Variants in IDO2 observed in about 807,000 individuals in gnomAD.
IDO2 encodes the protein indoleamine 2,3-dioxygenase-like 1 protein.
IDO2 carries 46 observed loss-of-function variants against 45.1 expected under a neutral mutation model. That is an observed-to-expected ratio of 1.02 (90% CI 0.80 to 1.30). The LOEUF (loss-of-function observed/expected upper bound fraction) is 1.30, where lower values mean the gene tolerates loss of function less well. Ranked by LOEUF, IDO2 falls within the 50% of genes most tolerant of loss-of-function variation. The probability of loss-of-function intolerance (pLI) is 0.00; values close to 1 mark genes in which losing one functional copy is unlikely to be tolerated. For synonymous variants in IDO2, 218 were observed against 184.9 expected, an observed-to-expected ratio of 1.18 and a Z score of -1.45; for missense variants, 544 against 491.8, an observed-to-expected ratio of 1.11 and a Z score of -1.00.
chr8:39,962,448 A>G (rs1387770136), intron 2 of IDO2, among the ~76,000 whole-genome samples: 1 of 152,192 alleles, frequency 6.6e-6, no homozygotes. Flanking sequence ...ACAGAAAGGG[A>G]AAATTCATAT....
At chr8:40,011,531 T>C (rs969540098) in intron 9 of IDO2, among the ~76,000 whole-genome samples, 1 of 152,232 alleles carries the variant, frequency 6.6e-6, no homozygotes. Context: ...GAGCCTATTT[T>C]ATTTTTCAAC....
intron 1 of IDO2, among the ~76,000 whole-genome samples, chr8:39,939,362 C>T (rs904663990): frequency 2.0e-5 from 3 of 150,724 alleles, no homozygotes; most frequent in African/African-American, 7.3e-5. Flanking sequence ...GCCTTGCCAA[C>T]ATGACAAAAC....
chr8:40,005,695 TTTC>T (rs1261281019), intron 9 of IDO2, among the ~76,000 whole-genome samples: 4 of 152,224 alleles, frequency 2.6e-5, no homozygotes, highest in African/African-American at 9.6e-5. Context: ...ACATCTACTT[TTTC>T]TTCTTGTTAT....
chr8:39,960,296 C>A (rs917344617), intron 2 of IDO2, among the ~76,000 whole-genome samples: 1 of 150,922 alleles, frequency 6.6e-6, no homozygotes, highest in African/African-American at 2.4e-5. Flanking sequence ...AAATTGAGTC[C>A]ATAAAAAGTG....
chr8:39,994,059 G>T (rs1458512273), intron 8 of IDO2, among the ~76,000 whole-genome samples: 1 of 151,966 alleles, frequency 6.6e-6, no homozygotes, highest in East Asian at 1.9e-4. Context: ...AGTGAAAAAA[G>T]CAGGCTACAT....
At chr8:39,994,749 C>T (rs1802008811) in intron 8 of IDO2, among the ~76,000 whole-genome samples, 2 of 151,916 alleles carry the variant, frequency 1.3e-5, no homozygotes, top group Admixed American at 6.6e-5. Flanking sequence ...TCAGAAATGA[C>T]ATTTACTCAA....
exon 11 of IDO2, chr8:40,016,325 A>G (rs1188752497): frequency 1.3e-5 from 5 of 396,638 alleles, no homozygotes; most frequent in East Asian, 1.1e-4. Flanking sequence ...ATAAGTAAAT[A>G]AGAAAACTGG....
At chr8:39,992,361 T>G (rs541754489) in intron 8 of IDO2, among the ~76,000 whole-genome samples, 16 of 152,290 alleles carry the variant, frequency 1.1e-4, no homozygotes, top group Admixed American at 6.5e-4. Context: ...GGTTCTCCAG[T>G]TGGCTTCTGC....
chr8:40,013,767 GT>G lies in IDO2; in HGVS notation c.868+66del, dbSNP rs1554550210. 49 of 984,188 alleles carry G rather than the reference GT, an allele frequency of 5.0e-5. No individual in the cohort carries two copies. The African/African-American group carries it at 1.4e-3, about 29-fold the overall frequency. The allele number at this position is 984,188 out of a possible 1,614,324, so 61.0% of individuals were successfully genotyped here. A position where few individuals can be genotyped will look rare whatever the true frequency, so the allele number is the denominator to read the frequency against. ...GAGTAGAGGGAGGAAGAGGAGAGGTGTTTTTTTTTTTTCCAATTGATAAAAC... is the reference window on the plus strand; with the variant it reads ...GAGTAGAGGGAGGAAGAGGAGAGGTGTTTTTTTTTTTCCAATTGATAAAAC... On this transcript the variant is annotated intron_variant, in intron 10 of 10. Transcript: ENST00000502986.
intron 8 of IDO2, chr8:39,995,290 T>TCTTCTTCTTCTTCTTCTTCCTC (rs1174801048): frequency 7.2e-6 from 1 of 138,306 alleles, no homozygotes; most frequent in Admixed American, 7.2e-5. Context: ...TTCTTCTTCT[T>TCTTCTTCTTCTTCTTCTTCCTC]TTTTTTTTGA....
At chr8:39,951,795 T>C (rs1563425572) in intron 2 of IDO2, among the ~76,000 whole-genome samples, 1 of 152,228 alleles carries the variant, frequency 6.6e-6, no homozygotes, top group Non-Finnish European at 1.5e-5. Context: ...TACACTGAGC[T>C]GAGGAAAAAC....
At chr8:39,986,475 T>C (rs1035497710) in intron 6 of IDO2, 9 of 152,114 alleles carry the variant, frequency 5.9e-5, no homozygotes, top group Admixed American at 5.9e-4. Context: ...GTCTTGACTT[T>C]GTCTTGGTTT....
exon 11 of IDO2, chr8:40,015,322 C>G: frequency 1.2e-6 from 2 of 1,613,868 alleles, no homozygotes; most frequent in Non-Finnish European, 1.7e-6. Flanking sequence ...CACTCAGCAC[C>G]TTCCCTGAGG....
At chr8:40,012,436 G>C (rs1239006222) in intron 9 of IDO2, among the ~76,000 whole-genome samples, 1 of 152,036 alleles carries the variant, frequency 6.6e-6, no homozygotes, top group East Asian at 1.9e-4. Context: ...TTGAGTCTTT[G>C]TTACTTTATC....
At chr8:40,015,652 G>T (rs1802377542) in exon 11 of IDO2, 1 of 1,384,554 alleles carries the variant, frequency 7.2e-7, no homozygotes, top group Non-Finnish European at 1.0e-6. Flanking sequence ...GGGCAGGTGG[G>T]CCTGGAGAAT....
chr8:40,012,058 A>T (rs1186644092), intron 9 of IDO2, among the ~76,000 whole-genome samples: 1 of 152,190 alleles, frequency 6.6e-6, no homozygotes, highest in Non-Finnish European at 1.5e-5. Flanking sequence ...AGTGAAAACA[A>T]CCTGGCTCCT....
intron 7 of IDO2, 106 bp from the exon 8 acceptor site, chr8:39,989,615 A>G (rs1428858880): frequency 3.8e-6 from 3 of 779,894 alleles, no homozygotes; most frequent in Non-Finnish European, 6.1e-6. Flanking sequence ...GGAAGCTCTG[A>G]CAAACTGTCC....
chr8:40,015,153 T>C (rs1389883769), intron 10 of IDO2, 94 bp from the exon 11 acceptor site: 1 of 633,434 alleles, frequency 1.6e-6, no homozygotes, highest in Non-Finnish European at 2.4e-6. Context: ...AGATCTCATC[T>C]AGAGAAAAAA....
rs1808169878 is a variant in IDO2, at chr8:39,970,973, G to C, written c.195+7270G>C. Among the ~76,000 whole-genome samples, 4 of 151,530 alleles carry C rather than the reference G, an allele frequency of 2.6e-5. No homozygotes were observed. The South Asian group carries it at 8.3e-4, about 32-fold the overall frequency. On this transcript the variant is annotated intron_variant, in intron 3 of 10. Transcript: ENST00000502986. ...GTAGAGACGGGGTTTCACCATGTTG[G>C]CCAAGATGGTCTCTATCTCTGACCT...
Sources: allele counts gnomAD v4.1 joint callset (sites outside exome capture counted in the v4.1 genomes callset), GRCh38; gene constraint gnomAD v4.1.1; transcripts MANE v1.5; gene names NCBI Gene and HGNC (gene_info 2026-07-23, HGNC 2026-07-21).